Variants in TMT1A observed in about 807,000 individuals in gnomAD.
The protein encoded by TMT1A is thiol methyltransferase 1A, also known as thiol S-methyltransferase TMT1A.
chr12:50,932,318 T>C, the TMT1A span: 1 of 152,340 alleles, frequency 6.6e-6, no homozygotes, highest in South Asian at 2.1e-4. Context: ...TCTTTGCAAC[T>C]ATGGAAGCTG....
chr12:50,930,922 G>T, the TMT1A span: 1 of 152,016 alleles, frequency 6.6e-6, no homozygotes, highest in African/African-American at 2.4e-5. Flanking sequence ...ATCCTTAAAA[G>T]TTTCTGTTAT....
At chr12:50,925,339 C>G in the TMT1A span, 6 of 1,614,078 alleles carry the variant, frequency 3.7e-6, no homozygotes, top group Non-Finnish European at 5.1e-6. Context: ...TGACCCCAAC[C>G]CCAACTTTGA....
the TMT1A span, chr12:50,931,301 A>G: frequency 6.6e-6 from 1 of 152,134 alleles, no homozygotes; most frequent in Non-Finnish European, 1.5e-5. Context: ...TTAAAAAGGG[A>G]GCAGTGAAAA....
the TMT1A span, chr12:50,925,240 C>G: frequency 6.2e-7 from 1 of 1,614,178 alleles, no homozygotes; most frequent in Admixed American, 1.7e-5. Context: ...GTTTGCGGGC[C>G]CCTCCGGGAA....
the TMT1A span, among the ~76,000 whole-genome samples, chr12:50,927,031 T>C: frequency 3.2e-4 from 49 of 152,296 alleles, no homozygotes; most frequent in African/African-American, 1.2e-3. Flanking sequence ...AGTTTTCATT[T>C]TTTGTTGAGA....
the TMT1A span, among the ~76,000 whole-genome samples, chr12:50,925,744 G>C: frequency 6.6e-6 from 1 of 151,892 alleles, no homozygotes; most frequent in Non-Finnish European, 1.5e-5. Context: ...CTGCTATAAA[G>C]AAAAAACCTC....
the TMT1A span, chr12:50,932,284 C>T: frequency 3.9e-5 from 6 of 152,120 alleles, no homozygotes; most frequent in Admixed American, 1.3e-4. Flanking sequence ...TAATTCCACC[C>T]CTGTTGGAAG....
At chr12:50,925,479 G>C in the TMT1A span, 1 of 1,614,174 alleles carries the variant, frequency 6.2e-7, no homozygotes, top group East Asian at 2.2e-5. Context: ...CCCTGGTGCT[G>C]TGCTCTGTGA....
chr12:50,930,333 G>C, the TMT1A span: 1 of 537,532 alleles, frequency 1.9e-6, no homozygotes, highest in Non-Finnish European at 3.2e-6. Flanking sequence ...AGGCTGGAGT[G>C]CAATGACGTG....
the TMT1A span, among the ~76,000 whole-genome samples, chr12:50,928,723 A>G: frequency 6.6e-6 from 1 of 152,000 alleles, no homozygotes; most frequent in Non-Finnish European, 1.5e-5. Flanking sequence ...AATCTCATAT[A>G]CCTCCACAGT....
the TMT1A span, chr12:50,930,135 ATATGC>A: frequency 6.2e-7 from 1 of 1,608,808 alleles, no homozygotes; most frequent in Admixed American, 1.7e-5. Flanking sequence ...ATATCTATGG[ATATGC>A]TGTGAAATAG....
the TMT1A span, chr12:50,929,889 G>GTTTT: frequency 1.6e-6 from 2 of 1,240,826 alleles, no homozygotes; most frequent in Admixed American, 2.5e-5. Context: ...TCCTTGAAAT[G>GTTTT]TTTTTTTTTT....
chr12:50,927,633 T>C, the TMT1A span, among the ~76,000 whole-genome samples: 1 of 152,188 alleles, frequency 6.6e-6, no homozygotes, highest in Non-Finnish European at 1.5e-5. Flanking sequence ...GTGATAGTCT[T>C]CCTTAGCTCC....
the TMT1A span, among the ~76,000 whole-genome samples, chr12:50,927,438 A>G: frequency 3.9e-5 from 6 of 152,220 alleles, no homozygotes; most frequent in South Asian, 1.2e-3. Flanking sequence ...GTAGTAAATA[A>G]AAAAGGACTG....
the TMT1A span, among the ~76,000 whole-genome samples, chr12:50,926,757 TAAGTTA>T: frequency 6.6e-6 from 1 of 152,206 alleles, no homozygotes; most frequent in South Asian, 2.1e-4. Flanking sequence ...TATATGTGTA[TAAGTTA>T]ATGGGAATGA....
At chr12:50,925,205 G>A in the TMT1A span, 9 of 1,614,062 alleles carry the variant, frequency 5.6e-6, no homozygotes, top group Admixed American at 1.7e-5. Flanking sequence ...AGCAAGAAGC[G>A]GGAGCTCTTC....
chr12:50,925,722 A>G, the TMT1A span, among the ~76,000 whole-genome samples: 3 of 152,152 alleles, frequency 2.0e-5, no homozygotes, highest in African/African-American at 4.8e-5. Context: ...ATCTGAATAT[A>G]AAAACTTAAA....
chr12:50,931,580 G>C, the TMT1A span: 1 of 151,370 alleles, frequency 6.6e-6, no homozygotes, highest in Non-Finnish European at 1.5e-5. Context: ...GCGTGGTGGT[G>C]GGTGCCTGTA....
At chr12:50,929,812 C>A in the TMT1A span, 1 of 1,033,794 alleles carries the variant, frequency 9.7e-7, no homozygotes, top group Non-Finnish European at 1.4e-6. Flanking sequence ...GGTTCTCTCA[C>A]AGGTTTGCAA....
Sources: gnomAD v4.1 joint callset for allele counts (sites outside exome capture counted in the v4.1 genomes callset) on GRCh38, gnomAD v4.1.1 for gene constraint, MANE v1.5 for transcripts, NCBI Gene and HGNC (gene_info 2026-07-23, HGNC 2026-07-21) for gene names.